RNF150: variants seen among roughly 807,000 people sequenced by gnomAD.
The protein encoded by RNF150 is ring finger protein 150.
A neutral mutation model predicts 39.3 loss-of-function variants in RNF150; 24 were observed. The observed-to-expected ratio is 0.61, with a 90% CI of 0.44 to 0.86. The LOEUF (loss-of-function observed/expected upper bound fraction) is 0.86, where lower values mean the gene tolerates loss of function less well. RNF150 is among the 40% of genes least tolerant of loss of function. The pLI is 0.00. For synonymous variants in RNF150, 255 were observed against 227.3 expected (o/e 1.12, Z -1.10); for missense variants, 502 against 587.8 (o/e 0.85, Z 1.51).
At chr4:141,197,803 G>A (rs1330043340) in intron 1 of RNF150, among the ~76,000 whole-genome samples, 6 of 151,766 alleles carry the variant, frequency 4.0e-5, no homozygotes, top group African/African-American at 7.2e-5. Context: ...GTGTGAACCC[G>A]GGAGGTGGAG....
At chr4:141,163,588 T>C (rs1436741978) in intron 1 of RNF150, among the ~76,000 whole-genome samples, 1 of 152,132 alleles carries the variant, frequency 6.6e-6, no homozygotes, top group Non-Finnish European at 1.5e-5. Flanking sequence ...CACCCTCGGA[T>C]GAAGCTTCCA....
intron 1 of RNF150, among the ~76,000 whole-genome samples, chr4:141,028,758 ACT>A (rs1489568960): frequency 6.6e-6 from 1 of 152,082 alleles, no homozygotes; most frequent in Non-Finnish European, 1.5e-5. Context: ...TAAATTTAAA[ACT>A]CTATAATATT....
At chr4:140,972,255 C>T (rs73857154) in intron 1 of RNF150, among the ~76,000 whole-genome samples, 2,645 of 152,086 alleles carry the variant, frequency 0.017, 70 homozygotes, top group African/African-American at 0.06. Context: ...TTAAAAACTG[C>T]AAAATACCAT....
At chr4:141,042,199 A>C (rs539249571) in intron 1 of RNF150, among the ~76,000 whole-genome samples, 21 of 152,228 alleles carry the variant, frequency 1.4e-4, no homozygotes, top group African/African-American at 3.8e-4. Context: ...GATTCAATTT[A>C]CTTAACAGTG....
At position 140,899,944 on chromosome 4, in the gene RNF150, T is replaced by TTCTCTCTCTCTCTCTCTCTCTCTC. The variant is rs60297205; in HGVS notation, c.1198+11176_1198+11199dup. Among the ~76,000 whole-genome samples the TTCTCTCTCTCTCTCTCTCTCTCTC allele has an allele frequency of 1.9e-3, 209 of 109,992 alleles. 5 individuals are homozygous for TTCTCTCTCTCTCTCTCTCTCTCTC. Among genetic ancestry groups the TTCTCTCTCTCTCTCTCTCTCTCTC allele is most frequent in the South Asian group, 6.4e-3 (17 of 2,640 alleles). 72.2% of individuals were successfully genotyped at this position (109,992 alleles called of 152,430 possible). ...ATCCTAGTAGGTTCTCTCTCTCACT[T>TTCTCTCTCTCTCTCTCTCTCTCTC]TCTCTCTCTCTCTCTCTCTCTCTCT... On this transcript the variant is annotated intron_variant, in intron 6 of 6. Coordinates refer to ENST00000515673, the MANE Select transcript of RNF150 (RefSeq NM_020724.2).
chr4:140,979,703 A>C (rs1469645821), intron 1 of RNF150, among the ~76,000 whole-genome samples: 2 of 152,000 alleles, frequency 1.3e-5, no homozygotes, highest in Non-Finnish European at 2.9e-5. Context: ...AACTGAGAGC[A>C]CCTGGATATT....
At position 141,007,224 on chromosome 4, in the gene RNF150, A is replaced by G. The variant is rs150414353; in HGVS notation, c.485-39351T>C. Among the ~76,000 whole-genome samples the G allele has an allele frequency of 5.6e-3, 849 of 152,338 alleles. 11 individuals carry two copies. The highest frequency in any genetic ancestry group is 0.02 in the African/African-American group (827 of 41,576). On this transcript the variant is annotated intron_variant, in intron 1 of 6. Transcript: ENST00000515673. ...AGCCTGCTCTCTTCCTTATTTCAAT[A>G]TAATAGAGATTTATTGAACATTCAA...
intron 1 of RNF150, chr4:141,053,522 T>C: frequency 2.3e-6 from 1 of 427,974 alleles, no homozygotes; most frequent in Non-Finnish European, 4.0e-6. Context: ...AAAACAAGCA[T>C]TTAGGCAGGG....
chr4:141,142,051 GT>G (rs1341179030), intron 1 of RNF150, among the ~76,000 whole-genome samples: 8 of 151,924 alleles, frequency 5.3e-5, no homozygotes, highest in Non-Finnish European at 1.2e-4. Context: ...ATGCTACTGT[GT>G]TTTTTTAATG....
At chr4:140,918,989 T>A (rs1043300236) in intron 5 of RNF150, among the ~76,000 whole-genome samples, 1 of 152,056 alleles carries the variant, frequency 6.6e-6, no homozygotes, top group African/African-American at 2.4e-5. Context: ...TCAACAACCA[T>A]TCATGCTAAA....
chr4:141,064,958 T>C (rs1578686931), intron 1 of RNF150, among the ~76,000 whole-genome samples: 1 of 152,134 alleles, frequency 6.6e-6, no homozygotes, highest in South Asian at 2.1e-4. Context: ...CTCTGCCTCC[T>C]AGGTTCAAGC....
chr4:140,919,049 G>T (rs1470327012), intron 5 of RNF150, among the ~76,000 whole-genome samples: 3 of 151,340 alleles, frequency 2.0e-5, no homozygotes, highest in Admixed American at 1.3e-4. Context: ...AATAATAAGA[G>T]CTATCTATGA....
chr4:141,205,532 T>C (rs1403946722), intron 1 of RNF150, among the ~76,000 whole-genome samples: 2 of 152,180 alleles, frequency 1.3e-5, no homozygotes, highest in African/African-American at 2.4e-5. Context: ...ATTCTTCTAA[T>C]GAATATTTTT....
intron 6 of RNF150, among the ~76,000 whole-genome samples, chr4:140,905,837 TG>T (rs761450345): frequency 4.6e-5 from 7 of 152,150 alleles, no homozygotes. Context: ...GCTACTGTCC[TG>T]GAAGAGGACT....
chr4:141,192,459 T>C (rs539579524), intron 1 of RNF150, among the ~76,000 whole-genome samples: 2 of 152,294 alleles, frequency 1.3e-5, no homozygotes, highest in East Asian at 3.9e-4. Flanking sequence ...AAATATATAA[T>C]GCTAATTTGT....
intron 1 of RNF150, among the ~76,000 whole-genome samples, chr4:141,200,932 C>T (rs1413505813): frequency 2.0e-5 from 3 of 152,102 alleles, no homozygotes; most frequent in African/African-American, 7.2e-5. Flanking sequence ...TAAATCAGAT[C>T]TATTTTACTA....
chr4:140,862,706 C>T lies in RNF150; in HGVS notation c.*5555G>A, dbSNP rs1038482014. ...AGCTTCTTAGAATTAATTTATTTTTCAGGCAATCCAGACCTTCTTTGCAAT... is the reference window on the plus strand; with the variant it reads ...AGCTTCTTAGAATTAATTTATTTTTTAGGCAATCCAGACCTTCTTTGCAAT... On this transcript the variant is annotated 3_prime_UTR_variant, in exon 7 of 7. Transcript: ENST00000515673. 16 of 152,156 alleles carry T rather than the reference C, an allele frequency of 1.1e-4. No individual in the cohort carries two copies. The highest frequency in any genetic ancestry group is 3.3e-4 in the Admixed American group (5 of 15,276). 9.4% of individuals were successfully genotyped at this position (152,156 alleles called of 1,614,324 possible).
At chr4:141,156,183 C>T (rs899741292) in intron 1 of RNF150, among the ~76,000 whole-genome samples, 1 of 152,116 alleles carries the variant, frequency 6.6e-6, no homozygotes, top group Admixed American at 6.5e-5. Context: ...TCCCCTTGGC[C>T]AAGAGAGTGT....
At chr4:141,123,921 T>G (rs201755845) in intron 1 of RNF150, among the ~76,000 whole-genome samples, 1 of 152,230 alleles carries the variant, frequency 6.6e-6, no homozygotes, top group East Asian at 1.9e-4. Flanking sequence ...ATGGTGTGTA[T>G]GTGCCACATT....
Sources: allele counts gnomAD v4.1 joint callset (sites outside exome capture counted in the v4.1 genomes callset), GRCh38; gene constraint gnomAD v4.1.1; transcripts MANE v1.5; gene names NCBI Gene and HGNC (gene_info 2026-07-23, HGNC 2026-07-21).